Variants in ARMC3 observed in about 807,000 individuals in gnomAD.
ARMC3 encodes the protein armadillo repeat-containing protein 3.
Under a neutral mutation model 90.3 loss-of-function variants are expected in ARMC3, and 74 were observed. The observed-to-expected ratio is 0.82, with a 90% confidence interval of 0.68 to 0.99. The LOEUF (loss-of-function observed/expected upper bound fraction) is 0.99. Among genes scored for constraint, ARMC3 ranks in the 50% least tolerant of loss-of-function variants. The pLI, the probability that ARMC3 is intolerant of heterozygous loss-of-function variation, is 0.00. For synonymous variants in ARMC3, 334 were observed against 361.8 expected (o/e 0.92, Z 0.87); for missense variants, 958 against 1,042.8 (o/e 0.92, Z 1.12).
At chr10:22,974,557 G>A (rs1302768523) in intron 8 of ARMC3, among the ~76,000 whole-genome samples, 7 of 151,978 alleles carry the variant, frequency 4.6e-5, no homozygotes, top group Non-Finnish European at 2.9e-5. Flanking sequence ...TAGCAATTTT[G>A]CTTCCACAAT....
At position 23,001,939 on chromosome 10, in the gene ARMC3, G is replaced by A; in HGVS notation, c.1446G>A (p.Leu482=). ...TTTAGTTAAGAAATTCTGGTGGATTGGAGCCCCTGGTAGAGCTGCTACGCT... is the reference window on the plus strand; with the variant it reads ...TTTAGTTAAGAAATTCTGGTGGATTAGAGCCCCTGGTAGAGCTGCTACGCT... The part of the protein sequence containing the change: ...ARTELRNSGG[L]EPLVELLRSK... The change falls in exon 12 of 19, where the codon TTG becomes TTA. Residue 482 remains leucine, a synonymous_variant. Transcript: ENST00000298032. The A allele has an allele frequency of 6.2e-7, 1 of 1,613,760 alleles. No individual in the cohort carries two copies. The highest frequency in any genetic ancestry group is 8.5e-7 in the Non-Finnish European group (1 of 1,179,786).
rs138614598 is a variant in ARMC3 at position 22,998,305 on chromosome 10, A to C, written c.1333A>C (p.Ile445Leu). The C allele has an allele frequency of 6.2e-7, 1 of 1,612,902 alleles. No homozygotes were observed. The highest frequency in any genetic ancestry group is 1.7e-5 in the Admixed American group (1 of 59,842). The change falls in exon 11 of 19, where the codon ATC becomes CTC. Residue 445 changes from isoleucine (I) to leucine (L), a missense_variant. Coordinates refer to ENST00000298032, the MANE Select transcript of ARMC3 (RefSeq NM_173081.5). ...IQNHDIMHAI[I>L]SPLRSANTVV... ...GAATCACGACATCATGCATGCCATC[A>C]TCAGCCCACTGCGTTCTGCAAACAC...
intron 8 of ARMC3, among the ~76,000 whole-genome samples, chr10:22,974,449 GTTTA>G (rs1564364869): frequency 1.3e-5 from 2 of 152,024 alleles, no homozygotes; most frequent in South Asian, 4.2e-4. Context: ...TATGCTTTCT[GTTTA>G]TTTTTCTATG....
intron 2 of ARMC3, among the ~76,000 whole-genome samples, chr10:22,939,090 G>A (rs1337671291): frequency 6.6e-6 from 1 of 152,174 alleles, no homozygotes. Flanking sequence ...AGTAAGAAAA[G>A]TAAGTATTTG....
intron 18 of ARMC3, among the ~76,000 whole-genome samples, chr10:23,036,018 G>A (rs1476191123): frequency 6.6e-6 from 1 of 152,164 alleles, no homozygotes; most frequent in African/African-American, 2.4e-5. Flanking sequence ...CTCACTTTCC[G>A]TCACCACATA....
intron 10 of ARMC3, among the ~76,000 whole-genome samples, chr10:22,986,106 G>GCCCCCCCCCCCCC (rs1564373013): frequency 8.5e-6 from 1 of 118,160 alleles, no homozygotes; most frequent in African/African-American, 3.2e-5. Flanking sequence ...CCCCTGCACT[G>GCCCCCCCCCCCCC]CACGCCCCCC....
In ARMC3 at chr10:22,973,341, A is replaced by C. The variant is rs1175008244; in HGVS notation, c.916+4852A>C. 2.0e-5 allele frequency among the ~76,000 whole-genome samples: 3 copies of C among 148,916 alleles called. No individual in the cohort carries two copies. In the South Asian group the frequency reaches 6.3e-4, roughly 31 times the overall value. On this transcript the variant is annotated intron_variant, in intron 8 of 18. Transcript: ENST00000298032. ...AATAATAATAATAATAATAAATCCT[A>C]ACATCTTTGATTTATAGTTAAAAAT...
At chr10:22,930,942 T>C (rs971441298) in intron 1 of ARMC3, among the ~76,000 whole-genome samples, 1 of 152,180 alleles carries the variant, frequency 6.6e-6, no homozygotes, top group Non-Finnish European at 1.5e-5. Flanking sequence ...TTTCTTTTTT[T>C]TTTTTGAGAC....
At chr10:22,989,274 T>G (rs1404814082) in intron 10 of ARMC3, among the ~76,000 whole-genome samples, 1 of 152,232 alleles carries the variant, frequency 6.6e-6, no homozygotes, top group Non-Finnish European at 1.5e-5. Context: ...AACGTGTGTT[T>G]AACAGATGCT....
At chr10:22,986,113 C>G (rs983855581) in intron 10 of ARMC3, among the ~76,000 whole-genome samples, 8 of 147,044 alleles carry the variant, frequency 5.4e-5, no homozygotes, top group Non-Finnish European at 7.5e-5. Flanking sequence ...ACTGCACGCC[C>G]CCCCCCCGCG....
chr10:22,993,593 A>G (rs1836809849), intron 10 of ARMC3, among the ~76,000 whole-genome samples: 1 of 152,190 alleles, frequency 6.6e-6, no homozygotes, highest in South Asian at 2.1e-4. Flanking sequence ...GAGTCAATTA[A>G]AATACATTGA....
intron 8 of ARMC3, among the ~76,000 whole-genome samples, chr10:22,978,268 C>A (rs918131497): frequency 1.3e-5 from 2 of 152,182 alleles, no homozygotes; most frequent in African/African-American, 4.8e-5. Context: ...ACTCACAGTT[C>A]TGCCGGGCTG....
At chr10:22,977,232 CTCTT>C (rs1835967629) in intron 8 of ARMC3, among the ~76,000 whole-genome samples, 2 of 152,194 alleles carry the variant, frequency 1.3e-5, no homozygotes, top group Admixed American at 6.5e-5. Context: ...TAACTGGTTT[CTCTT>C]TCTGTCCTTA....
chr10:22,989,041 A>C lies in ARMC3; in HGVS notation c.1175+7341A>C, dbSNP rs1336424341. On this transcript the variant is annotated intron_variant, in intron 10 of 18. Coordinates refer to ENST00000298032, the MANE Select transcript of ARMC3 (RefSeq NM_173081.5). Reference sequence around the variant, plus strand: ...AGTTCCATTTTCTAACAATGCAAGGAACTGCGTCTTCATACTGACCCCTAG... The same window carrying C: ...AGTTCCATTTTCTAACAATGCAAGGCACTGCGTCTTCATACTGACCCCTAG... Among the ~76,000 whole-genome samples, 3 of 152,168 alleles carry C rather than the reference A, an allele frequency of 2.0e-5. No individual in the cohort carries two copies. In the East Asian group the frequency reaches 5.8e-4, roughly 29 times the overall value.
chr10:22,949,725 T>G (rs756923678), intron 3 of ARMC3, among the ~76,000 whole-genome samples: 2 of 152,136 alleles, frequency 1.3e-5, no homozygotes, highest in Non-Finnish European at 2.9e-5. Flanking sequence ...CTAAATCTGA[T>G]GAAAACTCTA....
intron 16 of ARMC3, among the ~76,000 whole-genome samples, chr10:23,011,485 ATTG>A (rs1181550971): frequency 1.3e-5 from 2 of 152,200 alleles, no homozygotes; most frequent in Non-Finnish European, 2.9e-5. Flanking sequence ...TGCTATTATT[ATTG>A]TTGTACTAAA....
chr10:22,948,983 G>A (rs1029787126), intron 3 of ARMC3, among the ~76,000 whole-genome samples: 12 of 152,156 alleles, frequency 7.9e-5, no homozygotes, highest in East Asian at 3.9e-4. Flanking sequence ...GCTCACATAC[G>A]GCTAGGAGTA....
intron 2 of ARMC3, among the ~76,000 whole-genome samples, chr10:22,943,481 A>G (rs1354871126): frequency 6.6e-6 from 1 of 152,198 alleles, no homozygotes; most frequent in East Asian, 1.9e-4. Context: ...ATTTACATTA[A>G]TATGTAAAAA....
chr10:22,963,592 A>T (rs1332325001), intron 7 of ARMC3, among the ~76,000 whole-genome samples: 1 of 152,132 alleles, frequency 6.6e-6, no homozygotes, highest in Admixed American at 6.6e-5. Context: ...TAAATGACAC[A>T]AAAGACTAAC....
Sources: gnomAD v4.1 joint callset for allele counts (sites outside exome capture counted in the v4.1 genomes callset) on GRCh38, gnomAD v4.1.1 for gene constraint, MANE v1.5 for transcripts, NCBI Gene and HGNC (gene_info 2026-07-23, HGNC 2026-07-21) for gene names.